Variants in ANKS1B observed in about 807,000 individuals in gnomAD.
The protein encoded by ANKS1B is ankyrin repeat and sterile alpha motif domain-containing protein 1B.
A neutral mutation model predicts 148.3 loss-of-function variants in ANKS1B; 36 were observed. That is an observed-to-expected ratio of 0.24 (90% CI 0.19 to 0.32). The LOEUF is 0.32. Ranked by LOEUF, ANKS1B falls within the 10% of genes least tolerant of loss-of-function variation. The pLI, the probability that ANKS1B is intolerant of heterozygous loss-of-function variation, is 1.00. For synonymous variants in ANKS1B, 542 were observed against 560.8 expected (o/e 0.97, Z 0.47); for missense variants, 1,157 against 1,542.6 (o/e 0.75, Z 4.19).
At chr12:99,363,023 A>G (rs1164378530) in intron 12 of ANKS1B, among the ~76,000 whole-genome samples, 2 of 152,086 alleles carry the variant, frequency 1.3e-5, no homozygotes, top group Non-Finnish European at 2.9e-5. Context: ...TTATTGTAAC[A>G]TGGAGGATGG....
At chr12:99,706,442 C>T (rs762349318) in intron 8 of ANKS1B, 1 of 151,918 alleles carries the variant, frequency 6.6e-6, no homozygotes, top group Non-Finnish European at 1.5e-5. Flanking sequence ...AAATTGAATG[C>T]ATCAATTCTC....
Position 98,812,128 on chromosome 12 carries a change from C to T in ANKS1B, c.3067-4210G>A, listed in dbSNP as rs551958120. On this transcript the variant is annotated intron_variant, in intron 19 of 26. Coordinates refer to ENST00000683438, the MANE Select transcript of ANKS1B (RefSeq NM_001352186.2). ...GTAAAACCTCTATAATTTCTAATAC[C>T]GTCATGCACAACATAACGATGTTTC... Among the ~76,000 whole-genome samples, 6 of 152,152 alleles carry T rather than the reference C, an allele frequency of 3.9e-5. No homozygotes were observed. In the East Asian group the frequency reaches 5.8e-4, roughly 15 times the overall value.
chr12:99,660,541 T>C (rs1241481411), intron 8 of ANKS1B, among the ~76,000 whole-genome samples: 1 of 151,736 alleles, frequency 6.6e-6, no homozygotes, highest in Non-Finnish European at 1.5e-5. Context: ...TTGTATTTTT[T>C]TAGTAGAGAT....
At chr12:99,155,160 T>C in intron 14 of ANKS1B, 3 of 1,438,494 alleles carry the variant, frequency 2.1e-6, no homozygotes, top group Non-Finnish European at 2.7e-6. Context: ...CTATAGCTTA[T>C]AACAGAGCTC....
chr12:99,227,241 C>T (rs1262933555), intron 14 of ANKS1B, among the ~76,000 whole-genome samples: 1 of 151,910 alleles, frequency 6.6e-6, no homozygotes, highest in Non-Finnish European at 1.5e-5. Context: ...GTGTTTGGTA[C>T]CTCCCCCCTC....
chr12:99,001,456 C>T (rs547534953), intron 17 of ANKS1B, among the ~76,000 whole-genome samples: 6 of 152,082 alleles, frequency 3.9e-5, no homozygotes, highest in South Asian at 2.1e-4. Flanking sequence ...AGATAAATAC[C>T]GAAAAGTGGG....
chr12:99,182,709 T>C (rs1381719255), intron 14 of ANKS1B, among the ~76,000 whole-genome samples: 1 of 152,202 alleles, frequency 6.6e-6, no homozygotes, highest in African/African-American at 2.4e-5. Flanking sequence ...ATGGTAGCCC[T>C]ACTTTTAGTT....
intron 1 of ANKS1B, among the ~76,000 whole-genome samples, chr12:99,836,767 T>G (rs932553510): frequency 1.3e-5 from 2 of 152,194 alleles, no homozygotes; most frequent in African/African-American, 4.8e-5. Flanking sequence ...ATATTTTCTC[T>G]TCTCTGCATA....
chr12:99,271,640 C>T (rs2077044996), intron 12 of ANKS1B, among the ~76,000 whole-genome samples: 2 of 124,762 alleles, frequency 1.6e-5, no homozygotes, highest in Non-Finnish European at 3.3e-5. Flanking sequence ...TATATTTATT[C>T]AGTCAGTAGT....
At chr12:99,937,889 T>G (rs970503492) in intron 1 of ANKS1B, among the ~76,000 whole-genome samples, 5 of 152,174 alleles carry the variant, frequency 3.3e-5, no homozygotes, top group Non-Finnish European at 7.4e-5. Flanking sequence ...TCATGAATCC[T>G]GCCCTCAAGT....
intron 1 of ANKS1B, among the ~76,000 whole-genome samples, chr12:99,978,165 A>G (rs2095650936): frequency 6.6e-6 from 1 of 152,256 alleles, no homozygotes; most frequent in African/African-American, 2.4e-5. Context: ...TAAAGTCAGC[A>G]GAGGCACTAA....
chr12:99,869,635 C>T (rs2091229685), intron 1 of ANKS1B, among the ~76,000 whole-genome samples: 1 of 151,124 alleles, frequency 6.6e-6, no homozygotes, highest in South Asian at 2.1e-4. Flanking sequence ...GGGCCAAGAT[C>T]GCGCCATTGC....
At chr12:99,010,309 G>A (rs569833974) in intron 17 of ANKS1B, among the ~76,000 whole-genome samples, 1 of 152,302 alleles carries the variant, frequency 6.6e-6, no homozygotes, top group South Asian at 2.1e-4. Context: ...CTGCCTCAAA[G>A]GGTTGTTGTG....
chr12:99,179,851 G>GT (rs2078911495), intron 14 of ANKS1B, among the ~76,000 whole-genome samples: 2 of 152,150 alleles, frequency 1.3e-5, no homozygotes, highest in Admixed American at 6.5e-5. Flanking sequence ...TAATATCACT[G>GT]TGACTATTGT....
chr12:99,236,155 T>C (rs2087875594), intron 14 of ANKS1B, among the ~76,000 whole-genome samples: 1 of 152,230 alleles, frequency 6.6e-6, no homozygotes. Context: ...GCAGTTGTAA[T>C]GATGCAGGTA....
intron 19 of ANKS1B, among the ~76,000 whole-genome samples, chr12:98,815,740 C>T (rs78835648): frequency 1.3e-5 from 2 of 152,250 alleles, no homozygotes; most frequent in East Asian, 3.9e-4. Context: ...GCATTCAATC[C>T]AGCAGCAAAG....
In ANKS1B at chr12:99,318,753, T is replaced by C. The variant is rs1342215970; in HGVS notation, c.1757-71889A>G. ...GTTCTTGCTTCTCTAGTTCTTTTAA[T>C]TGTGATGTTAGCGTGTCAATTTTAG... On this transcript the variant is annotated intron_variant, in intron 12 of 26. Coordinates refer to ENST00000683438, the MANE Select transcript of ANKS1B (RefSeq NM_001352186.2). Among the ~76,000 whole-genome samples the C allele has an allele frequency of 2.6e-5, 4 of 152,196 alleles. No homozygotes were observed. The South Asian group carries it at 8.3e-4, about 32-fold the overall frequency.
At chr12:99,754,930 C>T (rs1271511390) in intron 8 of ANKS1B, among the ~76,000 whole-genome samples, 4 of 151,932 alleles carry the variant, frequency 2.6e-5, no homozygotes, top group Admixed American at 2.6e-4. Context: ...AACATCACAA[C>T]TAAAAGAACT....
intron 14 of ANKS1B, among the ~76,000 whole-genome samples, chr12:99,214,511 T>C: frequency 6.6e-6 from 1 of 152,200 alleles, no homozygotes. Flanking sequence ...CCCCTGCACA[T>C]GCTTTCTTGC....
Sources: gnomAD v4.1 joint callset for allele counts (sites outside exome capture counted in the v4.1 genomes callset) on GRCh38, gnomAD v4.1.1 for gene constraint, MANE v1.5 for transcripts, NCBI Gene and HGNC (gene_info 2026-07-23, HGNC 2026-07-21) for gene names.